DENND2A: variants seen among roughly 807,000 people sequenced by gnomAD.
The protein encoded by DENND2A is DENN domain-containing protein 2A.
DENND2A carries 53 observed loss-of-function variants against 105.3 expected under a neutral mutation model. That is an observed-to-expected ratio of 0.50 (90% CI 0.40 to 0.63). DENND2A has a LOEUF of 0.63. DENND2A is among the 30% of genes least tolerant of loss of function. DENND2A has a pLI of 0.00. For synonymous variants in DENND2A, 522 were observed against 508.4 expected (o/e 1.03, Z -0.36); for missense variants, 1,138 against 1,279.6 (o/e 0.89, Z 1.69).
chr7:140,568,706 A>G, intron 8 of DENND2A, 57 bp downstream of exon 8: 3 of 1,584,430 alleles, frequency 1.9e-6, no homozygotes, highest in Non-Finnish European at 2.6e-6. Flanking sequence ...AGGAGGGGCC[A>G]CCTTTGCAGC....
rs779927314 is a variant in DENND2A at position 140,573,916 on chromosome 7, A to T, written c.1338T>A (p.Thr446=). ...GAGGGCTGATTTTGGAAGGGGACCCAGTTCCATCCCGACTCAGCTTCCTAG... is the reference window on the plus strand; with the variant it reads ...GAGGGCTGATTTTGGAAGGGGACCCTGTTCCATCCCGACTCAGCTTCCTAG... ...LDTRKLSRDG[T]GSPSKISPPS... is the part of the protein sequence containing the mutation. Residue 446 remains threonine, a synonymous_variant, in exon 6 of 20, where the codon ACT becomes ACA. Transcript: ENST00000496613. 6.2e-7 allele frequency: 1 copy of T among 1,614,192 alleles called. No individual in the cohort carries two copies. The highest frequency in any genetic ancestry group is 1.1e-5 in the South Asian group (1 of 91,082).
Position 140,602,006 on chromosome 7 carries a change from G to A in DENND2A, c.392C>T (p.Pro131Leu). 1 of 1,614,210 alleles carries A rather than the reference G, an allele frequency of 6.2e-7. No individual in the cohort carries two copies. Among genetic ancestry groups the A allele is most frequent in the Non-Finnish European group, 8.5e-7 (1 of 1,180,036 alleles). ...DPEPGQDLSQ[P>L]EREVDPSWGR... ...CCAGCTAGGATCCACTTCCCGTTCT[G>A]GCTGGCTTAGGTCTTGCCCCGGCTC... The change falls in exon 3 of 20, where the codon CCA (proline) becomes CTA (leucine). Residue 131 changes from proline to leucine, a missense_variant. Around this residue, in one of 2 missense-constraint regions of DENND2A, gnomAD observed 511 missense variants for 499.9 expected, o/e 1.02. Coordinates refer to ENST00000496613, the MANE Select transcript of DENND2A (RefSeq NM_015689.5).
intron 3 of DENND2A, among the ~76,000 whole-genome samples, chr7:140,591,396 C>T (rs1351046529): frequency 6.6e-6 from 1 of 152,178 alleles, no homozygotes; most frequent in Non-Finnish European, 1.5e-5. Context: ...AGCTCTATTT[C>T]CTGTATTAAA....
At position 140,568,220 on chromosome 7, in the gene DENND2A, G is replaced by A. The variant is rs7780213; in HGVS notation, c.1591+543C>T. On this transcript the variant is annotated intron_variant, in intron 8 of 19. Transcript: ENST00000496613. The stretch of plus-strand genomic sequence containing the variant: ...CTCCTAAAGTGCTGGGATTACAGGC[G>A]TGAGCCACCAAGCCCGGCCCCTGGA... Among the ~76,000 whole-genome samples, 987 of 152,256 alleles carry A rather than the reference G, an allele frequency of 6.5e-3. 15 individuals carry two copies. Among genetic ancestry groups the A allele is most frequent in the African/African-American group, 0.023 (939 of 41,540 alleles).
In DENND2A at chr7:140,555,627, A is replaced by T. The variant is rs368694557; in HGVS notation, c.2037+9T>A. On this transcript the variant is annotated intron_variant, in intron 12 of 19. Transcript: ENST00000496613. The stretch of plus-strand genomic sequence containing the variant: ...TCCCTTCCTCTTTCTCTGAGGTCCA[A>T]GTTCTCACCCTTGAAAAGAGGCTGA... 4.3e-6 allele frequency: 7 copies of T among 1,611,262 alleles called. No individual in the cohort carries two copies. In the African/African-American group the frequency reaches 8.0e-5, roughly 18 times the overall value.
At chr7:140,614,943 G>A (rs1173331829) in intron 1 of DENND2A, among the ~76,000 whole-genome samples, 2 of 151,958 alleles carry the variant, frequency 1.3e-5, no homozygotes, top group African/African-American at 2.4e-5. Context: ...CTGCTGCCTC[G>A]ACCTCCCTGG....
At chr7:140,535,395 G>A (rs773322670) in intron 14 of DENND2A, among the ~76,000 whole-genome samples, 35 of 152,138 alleles carry the variant, frequency 2.3e-4, no homozygotes, top group East Asian at 7.7e-4. Context: ...CCCTGAGGCC[G>A]TGTGCCACAC....
At chr7:140,585,523 T>C (rs756542978) in intron 5 of DENND2A, 66 bp downstream of exon 5, 5 of 1,604,820 alleles carry the variant, frequency 3.1e-6, no homozygotes, top group Admixed American at 3.4e-5. Context: ...TGGCCGGAAC[T>C]CCAGAGTGCT....
rs1796820069 is a variant in DENND2A at position 140,544,673 on chromosome 7, C to G, written c.2272G>C (p.Val758Leu). 1 of 1,613,994 alleles carries G rather than the reference C, an allele frequency of 6.2e-7. No individual in the cohort carries two copies. Among genetic ancestry groups the G allele is most frequent in the African/African-American group, 1.3e-5 (1 of 74,920 alleles). Residue 758 changes from valine (V) to leucine (L), a missense_variant, in exon 14 of 20, where the codon GTG becomes CTG. This residue lies in a region of DENND2A where 627 missense variants were observed against 779.8 expected (regional missense o/e 0.80). Coordinates refer to ENST00000496613, the MANE Select transcript of DENND2A (RefSeq NM_015689.5). ...SSLSVRHLVCVFASLLLERRV... is the reference protein window; with the variant it reads ...SSLSVRHLVCLFASLLLERRV... ...CTCTCCAGAAGCAGGGAGGCAAACA[C>G]ACAGACCAGGTGGCGGACGCTGAGG...
chr7:140,620,174 C>T (rs780009068), intron 1 of DENND2A, among the ~76,000 whole-genome samples: 4 of 151,186 alleles, frequency 2.6e-5, no homozygotes, highest in Non-Finnish European at 4.4e-5. Context: ...CCAGCCTGAG[C>T]GACAGAGTAA....
chr7:140,585,558 T>G (rs1798742686), intron 5 of DENND2A, 31 bp downstream of exon 5: 1 of 1,613,360 alleles, frequency 6.2e-7, no homozygotes, highest in Non-Finnish European at 8.5e-7. Flanking sequence ...TTTGGCCCCC[T>G]CTCCTGCCAC....
chr7:140,583,354 G>T (rs976462227), intron 5 of DENND2A, among the ~76,000 whole-genome samples: 2 of 149,776 alleles, frequency 1.3e-5, no homozygotes, highest in Non-Finnish European at 2.9e-5. Context: ...AAAAAGAAAT[G>T]GTTTAACTGA....
chr7:140,588,959 T>A (rs1409712312), intron 3 of DENND2A, among the ~76,000 whole-genome samples: 1 of 151,788 alleles, frequency 6.6e-6, no homozygotes, highest in African/African-American at 2.4e-5. Context: ...GCCAGGCTGG[T>A]CTCGAACTCC....
upstream of DENND2A, among the ~76,000 whole-genome samples, chr7:140,641,036 C>T (rs1801185400): frequency 6.6e-6 from 1 of 152,210 alleles, no homozygotes; most frequent in East Asian, 1.9e-4. Flanking sequence ...CGCGCGGGCT[C>T]CATTCCACCC....
intron 3 of DENND2A, among the ~76,000 whole-genome samples, chr7:140,595,401 A>T (rs1283840019): frequency 6.6e-6 from 1 of 152,092 alleles, no homozygotes; most frequent in Non-Finnish European, 1.5e-5. Flanking sequence ...AAGCAGCTGT[A>T]TTATTGAGTT....
rs772107708 is a variant in DENND2A at position 140,523,297 on chromosome 7, G to A, written c.2665+10C>T. Reference sequence around the variant, plus strand: ...GGGAGAGACCCACTGGGAGGTGGCTGAACACTTACCGTGCCTGCCGTCTAG... The same window carrying A: ...GGGAGAGACCCACTGGGAGGTGGCTAAACACTTACCGTGCCTGCCGTCTAG... On this transcript the variant is annotated intron_variant, in intron 17 of 19. Transcript: ENST00000496613. The surrounding 1 kb of genome is among the most constrained non-coding windows in gnomAD (Gnocchi z 4.5). 2 of 1,613,570 alleles carry A rather than the reference G, an allele frequency of 1.2e-6. No individual in the cohort carries two copies. The highest frequency in any genetic ancestry group is 1.3e-5 in the African/African-American group (1 of 74,922).
At chr7:140,603,669 T>A (rs1448140199) in intron 2 of DENND2A, among the ~76,000 whole-genome samples, 1 of 152,230 alleles carries the variant, frequency 6.6e-6, no homozygotes, top group Non-Finnish European at 1.5e-5. Flanking sequence ...CATGAATGAA[T>A]GCGTGAATAA....
At chr7:140,628,772 C>T (rs1397232090) in intron 1 of DENND2A, among the ~76,000 whole-genome samples, 3 of 151,936 alleles carry the variant, frequency 2.0e-5, no homozygotes, top group African/African-American at 7.3e-5. Context: ...GAACTCCTGA[C>T]CTCAAATGAT....
rs769689836 is a variant in DENND2A at position 140,601,924 on chromosome 7, G to A, written c.474C>T (p.Ser158=). ...CGAGTTTCTTGACCTGCTTCAGCAC[G>A]GAGAGGGGATCGTTCTGAAAGCGTA... ...GKLRFQNDPL[S]VLKQVKKLEQ... The change falls in exon 3 of 20, where the codon TCC becomes TCT. Residue 158 remains serine, a synonymous_variant. Coordinates refer to ENST00000496613, the MANE Select transcript of DENND2A (RefSeq NM_015689.5). 28 of 1,614,090 alleles carry A rather than the reference G, an allele frequency of 1.7e-5. No homozygotes were observed. Among genetic ancestry groups the A allele is most frequent in the Non-Finnish European group, 2.1e-5 (25 of 1,180,060 alleles).
Sources: allele counts gnomAD v4.1 joint callset (sites outside exome capture counted in the v4.1 genomes callset), GRCh38; gene constraint gnomAD v4.1.1; regional missense constraint gnomAD v4.1.1; non-coding constraint Gnocchi (gnomAD v3.1); transcripts MANE v1.5; gene names NCBI Gene and HGNC (gene_info 2026-07-23, HGNC 2026-07-21).